Variants in KAZN observed in about 807,000 individuals in gnomAD.
The protein encoded by KAZN is kazrin.
A neutral mutation model predicts 87.4 loss-of-function variants in KAZN; 40 were observed. The observed-to-expected ratio is 0.46, with a 90% CI of 0.36 to 0.60. KAZN has a LOEUF of 0.60. Ranked by LOEUF, KAZN falls within the 20% of genes least tolerant of loss-of-function variation. The probability of loss-of-function intolerance (pLI) is 0.00; values close to 1 mark genes in which losing one functional copy is unlikely to be tolerated. For synonymous variants in KAZN, 466 were observed against 458.3 expected, an observed-to-expected ratio of 1.02 and a Z score of -0.22; for missense variants, 898 against 1,073.9, an observed-to-expected ratio of 0.84 and a Z score of 2.29.
At chr1:14,600,829 G>A (rs906635688) in intron 1 of KAZN, among the ~76,000 whole-genome samples, 97 of 152,298 alleles carry the variant, frequency 6.4e-4, no homozygotes, top group African/African-American at 2.2e-3. Context: ...ATTTCCCACT[G>A]TCTGCCCCTT....
At chr1:14,655,237 A>G (rs1638712039) in intron 1 of KAZN, among the ~76,000 whole-genome samples, 1 of 152,122 alleles carries the variant, frequency 6.6e-6, no homozygotes, top group Non-Finnish European at 1.5e-5. Context: ...CAAGGCAGAG[A>G]AAGGAGGATG....
chr1:14,236,176 C>T (rs2100559596), intron 2 of KAZN, among the ~76,000 whole-genome samples: 2 of 152,300 alleles, frequency 1.3e-5, no homozygotes, highest in Middle Eastern at 6.8e-3. Context: ...TTTCCTCTCC[C>T]ACCCTGGGCC....
chr1:15,067,287 C>T (rs1158056125), intron 8 of KAZN: 6 of 985,446 alleles, frequency 6.1e-6, no homozygotes, highest in Non-Finnish European at 6.0e-6. Context: ...ATCCCTTGGA[C>T]TCCGTCCCCC....
intron 2 of KAZN, among the ~76,000 whole-genome samples, chr1:14,214,935 T>C (rs899207415): frequency 6.6e-6 from 1 of 152,200 alleles, no homozygotes; most frequent in South Asian, 2.1e-4. Flanking sequence ...ACAGGTAAGG[T>C]GATAAATTGT....
chr1:14,666,614 G>A (rs1388431675), intron 1 of KAZN, among the ~76,000 whole-genome samples: 2 of 152,154 alleles, frequency 1.3e-5, no homozygotes, highest in East Asian at 3.8e-4. Flanking sequence ...AAGCCTCTGG[G>A]GGAGGATACT....
At position 14,582,408 on chromosome 1, in the gene KAZN, G is replaced by A. The variant is rs530057660; in HGVS notation, c.250-16575G>A. ...GTCTCTTCCTCTACACAATGAGAGG[G>A]CTGAACTGGGAGACTTTTAGAGACC... On this transcript the variant is annotated intron_variant, in intron 2 of 16. Transcript: ENST00000636203. Among the ~76,000 whole-genome samples, 257 of 152,268 alleles carry A rather than the reference G, an allele frequency of 1.7e-3. 1 individual carries two copies. Among genetic ancestry groups the A allele is most frequent in the African/African-American group, 6.0e-3 (249 of 41,546 alleles).
At chr1:14,776,796 C>A (rs1278751898) in intron 1 of KAZN, among the ~76,000 whole-genome samples, 1 of 151,978 alleles carries the variant, frequency 6.6e-6, no homozygotes, top group Admixed American at 6.6e-5. Flanking sequence ...ATTAGCCAAG[C>A]ATAGTGGCGC....
chr1:14,164,925 G>C (rs1570915260), intron 1 of KAZN, among the ~76,000 whole-genome samples: 1 of 152,192 alleles, frequency 6.6e-6, no homozygotes, highest in Admixed American at 6.5e-5. Flanking sequence ...AGAAGTAGCT[G>C]TGGCTAAAAT....
At chr1:14,396,955 T>G (rs1662951552) in intron 2 of KAZN, among the ~76,000 whole-genome samples, 1 of 152,108 alleles carries the variant, frequency 6.6e-6, no homozygotes, top group African/African-American at 2.4e-5. Context: ...GTGAGATCTA[T>G]AGAAAGTTTA....
chr1:14,669,993 C>G (rs1639817939), intron 1 of KAZN, among the ~76,000 whole-genome samples: 1 of 152,166 alleles, frequency 6.6e-6, no homozygotes, highest in Non-Finnish European at 1.5e-5. Context: ...TAAAAGAGAA[C>G]AGCCATATAA....
intron 2 of KAZN, among the ~76,000 whole-genome samples, chr1:14,202,971 C>T (rs1214161879): frequency 2.6e-5 from 4 of 152,130 alleles, no homozygotes; most frequent in South Asian, 2.1e-4. Context: ...GAGCCGAGAT[C>T]GCACCACTGC....
chr1:14,603,290 C>T lies in KAZN; in HGVS notation c.226+4067C>T, dbSNP rs528619818. On this transcript the variant is annotated intron_variant, in intron 1 of 14. Transcript: ENST00000376030. ...GATGGAACAAAATGTTGGGGAATCT[C>T]GGGCCTTCTGTTAGCTTGCCACTAA... Among the ~76,000 whole-genome samples, 12 of 152,306 alleles carry T rather than the reference C, an allele frequency of 7.9e-5. No individual in the cohort carries two copies. The South Asian group carries it at 2.1e-3, about 26-fold the overall frequency.
At chr1:14,829,821 A>G (rs1229808147) in intron 1 of KAZN, among the ~76,000 whole-genome samples, 1 of 152,242 alleles carries the variant, frequency 6.6e-6, no homozygotes, top group Non-Finnish European at 1.5e-5. Flanking sequence ...TGGATAGTGA[A>G]GGACCATATG....
In KAZN at chr1:14,375,601, T is replaced by C. The variant is rs533753182; in HGVS notation, c.249+195009T>C. Among the ~76,000 whole-genome samples, 8 of 152,224 alleles carry C rather than the reference T, an allele frequency of 5.3e-5. No homozygotes were observed. In the East Asian group the frequency reaches 1.4e-3, roughly 26 times the overall value. On this transcript the variant is annotated intron_variant, in intron 2 of 16. Coordinates refer to the KAZN transcript ENST00000636203. ...TAAGGTCACTGCATGAAATGACACG[T>C]GGAGGCTGGGCACGGTGGCTCACAC... is the stretch of plus-strand genomic sequence containing the variant.
chr1:13,899,609 G>C (rs567739430), intron 1 of KAZN, among the ~76,000 whole-genome samples: 83 of 150,838 alleles, frequency 5.5e-4, no homozygotes, highest in Non-Finnish European at 9.1e-4. Context: ...TAGACTCTAA[G>C]CTTCCTGAGG....
intron 1 of KAZN, among the ~76,000 whole-genome samples, chr1:13,909,521 A>T (rs756793732): frequency 6.6e-6 from 1 of 152,138 alleles, no homozygotes; most frequent in Non-Finnish European, 1.5e-5. Flanking sequence ...GGTTTCCCCC[A>T]CAAAATGGTC....
Position 14,692,397 on chromosome 1 carries a change from G to A in KAZN, c.226+93174G>A, listed in dbSNP as rs183967621. 6.7e-4 allele frequency: 195 copies of A among 291,868 alleles called. 2 individuals are homozygous for A. In the East Asian group the frequency reaches 0.01, roughly 15 times the overall value. The allele number at this position is 291,868 out of a possible 1,614,324, so 18.1% of individuals were successfully genotyped here. A position where few individuals can be genotyped will look rare whatever the true frequency, so the allele number is the denominator to read the frequency against. On this transcript the variant is annotated intron_variant, in intron 1 of 14. Coordinates refer to ENST00000376030, the MANE Select transcript of KAZN (RefSeq NM_201628.3). ...TCCATACGTCAGTTTTTCTTTGACC[G>A]ACCTGCAAACCTCTGATGGCTCTCT...
intron 3 of KAZN, among the ~76,000 whole-genome samples, chr1:15,037,593 T>TATCATTACCATA (rs1553178079): frequency 6.6e-6 from 1 of 151,626 alleles, no homozygotes; most frequent in African/African-American, 2.4e-5. Context: ...CCATTATTAT[T>TATCATTACCATA]ATCATTATCA....
intron 1 of KAZN, among the ~76,000 whole-genome samples, chr1:14,668,212 A>G (rs1639696824): frequency 1.3e-5 from 2 of 152,150 alleles, no homozygotes; most frequent in South Asian, 4.2e-4. Flanking sequence ...CTTTCTTGCA[A>G]ATAGAAGGCC....
Sources: allele counts gnomAD v4.1 joint callset (sites outside exome capture counted in the v4.1 genomes callset), GRCh38; gene constraint gnomAD v4.1.1; transcripts MANE v1.5; gene names NCBI Gene and HGNC (gene_info 2026-07-23, HGNC 2026-07-21).